The following BCORL1 variants were observed in gnomAD, a reference collection of about 807,000 sequenced individuals.
BCORL1 encodes the protein BCL-6 corepressor-like protein 1.
BCORL1 carries 7 observed loss-of-function variants against 87.6 expected under a neutral mutation model. The observed-to-expected ratio is 0.08, with a 90% CI of 0.05 to 0.15. The LOEUF is 0.15. BCORL1 is among the 10% of genes least tolerant of loss of function. The pLI is 1.00. For synonymous variants in BCORL1, 591 were observed against 634.4 expected (o/e 0.93, Z 1.03); for missense variants, 1,215 against 1,499.7 (o/e 0.81, Z 3.13).
intron 1 of BCORL1, among the ~76,000 whole-genome samples, chrX:129,983,443 C>T (rs1926299953): frequency 9.9e-6 from 1 of 101,107 alleles, no homozygotes; most frequent in Non-Finnish European, 2.0e-5. Flanking sequence ...GGGGGGTGTC[C>T]GTGATGAAGT....
At chrX:130,034,207 T>C (rs193170321) in intron 8 of BCORL1, among the ~76,000 whole-genome samples, 4 of 111,623 alleles carry the variant, frequency 3.6e-5, no homozygotes, top group Non-Finnish European at 5.7e-5. Flanking sequence ...CCTCTTCATA[T>C]CTCCCCACCG....
At chrX:129,994,378 G>A (rs73567682) in intron 1 of BCORL1, among the ~76,000 whole-genome samples, 5,592 of 111,468 alleles carry the variant, frequency 0.05, 354 homozygotes, top group African/African-American at 0.17. Flanking sequence ...ACATCAGATC[G>A]ACCCTGAAAG....
intron 11 of BCORL1, among the ~76,000 whole-genome samples, chrX:130,043,772 ATATATATATATATTTTT>A (rs1451403913): frequency 3.0e-4 from 6 of 19,967 alleles, no homozygotes; most frequent in Non-Finnish European, 4.4e-4. Flanking sequence ...ATATATATAT[ATATATATATATATTTTT>A]TTTTTTTTTT....
chrX:130,019,448 G>A (rs1264367587), intron 4 of BCORL1, among the ~76,000 whole-genome samples: 1 of 112,694 alleles, frequency 8.9e-6, no homozygotes, highest in Non-Finnish European at 1.9e-5. Flanking sequence ...TAGTTTTTAA[G>A]CAGTAGTTCC....
chrX:130,000,716 A>G (rs1927972813), intron 1 of BCORL1, among the ~76,000 whole-genome samples: 1 of 112,441 alleles, frequency 8.9e-6, no homozygotes, highest in African/African-American at 3.2e-5. Flanking sequence ...TCCAAACTCA[A>G]TGGGACAAGA....
chrX:130,010,873 C>G (rs1300861615), intron 2 of BCORL1, among the ~76,000 whole-genome samples: 1 of 107,810 alleles, frequency 9.3e-6, no homozygotes, highest in Non-Finnish European at 1.9e-5. Context: ...TGGAGCATGC[C>G]TATAATTCTG....
chrX:129,983,918 G>A (rs1226462228), intron 1 of BCORL1, among the ~76,000 whole-genome samples: 4 of 109,897 alleles, frequency 3.6e-5, no homozygotes, highest in African/African-American at 1.3e-4. Context: ...TTCGGGATCA[G>A]GGGCAATCCC....
intron 1 of BCORL1, among the ~76,000 whole-genome samples, chrX:129,998,052 C>T (rs916704147): frequency 1.3e-4 from 14 of 106,790 alleles, no homozygotes; most frequent in Non-Finnish European, 2.7e-4. Context: ...ATTGGCAGAG[C>T]ACGTGCTCTC....
At chrX:130,000,535 A>T (rs1259258754) in intron 1 of BCORL1, among the ~76,000 whole-genome samples, 2 of 112,691 alleles carry the variant, frequency 1.8e-5, no homozygotes, top group Non-Finnish European at 3.7e-5. Context: ...ACAGATACAA[A>T]AATGAACACG....
In BCORL1 at chrX:130,015,711, C is replaced by T. The variant is rs755857508; in HGVS notation, c.2939C>T (p.Thr980Met). The part of the protein sequence containing the change: ...GACGLKLAGD[T>M]KPKNQVLATY... ...TGTGGCCTGAAGCTGGCAGGAGACA[C>T]GAAGCCTAAGAACCAAGTGCTGGCC... is the stretch of plus-strand genomic sequence containing the variant. Residue 980 changes from threonine to methionine, a missense_variant, in exon 4 of 14, where the codon ACG becomes ATG. By Grantham distance (81) the Thr-to-Met change is moderately conservative (BLOSUM62 -1). Around this residue, in one of 5 missense-constraint regions of BCORL1, gnomAD observed 861 missense variants for 1,010.0 expected, o/e 0.85. Coordinates refer to ENST00000540052, the MANE Select transcript of BCORL1 (RefSeq NM_001379451.1). 2.5e-6 allele frequency: 3 copies of T among 1,212,013 alleles called. No individual in the cohort carries two copies. Among genetic ancestry groups the T allele is most frequent in the Non-Finnish European group, 3.3e-6 (3 of 895,576 alleles).
In BCORL1 at chrX:130,014,313, C is replaced by T. The variant is rs754724041; in HGVS notation, c.1541C>T (p.Ser514Leu). ...TTTTCTGTGGCCCGGCCTCTGACTT[C>T]GGATTCCAAGCTGGTATCTCTGGAG... ...YAFSVARPLT[S>L]DSKLVSLEVN... The change falls in exon 4 of 14, where the codon TCG becomes TTG. Residue 514 changes from serine to leucine, a missense_variant. Transcript: ENST00000540052. The T allele has an allele frequency of 3.9e-5, 47 of 1,209,385 alleles. No homozygotes were observed. The highest frequency in any genetic ancestry group is 4.8e-5 in the Non-Finnish European group (43 of 895,041).
chrX:130,008,897 C>T (rs1281118375), intron 2 of BCORL1, among the ~76,000 whole-genome samples: 1 of 111,916 alleles, frequency 8.9e-6, no homozygotes, highest in Non-Finnish European at 1.9e-5. Context: ...CTAAATGTGT[C>T]TGCTTGCCTG....
intron 1 of BCORL1, among the ~76,000 whole-genome samples, chrX:130,002,582 G>T (rs1928139967): frequency 9.5e-6 from 1 of 104,829 alleles, no homozygotes; most frequent in Non-Finnish European, 2.0e-5. Flanking sequence ...GAGGGGGAGA[G>T]GGAGGAGAGA....
At position 130,013,402 on chromosome X, in the gene BCORL1, G is replaced by T; in HGVS notation, c.630G>T (p.Ser210=). 1 of 1,210,143 alleles carries T rather than the reference G, an allele frequency of 8.3e-7. No individual in the cohort carries two copies. Among genetic ancestry groups the T allele is most frequent in the African/African-American group, 1.7e-5 (1 of 57,328 alleles). Residue 210 remains serine, a synonymous_variant, in exon 4 of 14, where the codon TCG becomes TCT. Coordinates refer to ENST00000540052, the MANE Select transcript of BCORL1 (RefSeq NM_001379451.1). ...CTATCTGTCCCCCTGCTCCCGGTTC[G>T]GCCTCTGTGCCCCACTCTGTTCCAG... The part of the protein sequence containing the change: ...PAPICPPAPG[S]ASVPHSVPDA...
chrX:129,981,809 G>A (rs1321906063), upstream of BCORL1: 1 of 104,953 alleles, frequency 9.5e-6, no homozygotes, highest in African/African-American at 3.5e-5. Flanking sequence ...GTATAAGGGA[G>A]GGGGCTGGGT....
intron 1 of BCORL1, among the ~76,000 whole-genome samples, chrX:129,998,176 A>G (rs1048777247): frequency 9.9e-5 from 11 of 110,754 alleles, no homozygotes; most frequent in African/African-American, 3.6e-4. Context: ...TTCTTGGGCC[A>G]TGCAGCTGTT....
intron 11 of BCORL1, among the ~76,000 whole-genome samples, chrX:130,041,410 T>A (rs1309915985): frequency 9.0e-6 from 1 of 111,336 alleles, no homozygotes; most frequent in Non-Finnish European, 1.9e-5. Flanking sequence ...CTTGGCTCAC[T>A]GCAACCTCTG....
At chrX:130,033,149 T>A (rs1449327857) in intron 8 of BCORL1, among the ~76,000 whole-genome samples, 1 of 108,014 alleles carries the variant, frequency 9.3e-6, no homozygotes, top group African/African-American at 3.4e-5. Context: ...TGCCGCAATC[T>A]TGGCATACTG....
rs369799809 is a variant in BCORL1, at chrX:130,015,867, G to A, written c.3095G>A (p.Gly1032Asp). The A allele has an allele frequency of 9.3e-5, 112 of 1,210,014 alleles. No homozygotes were observed. The highest frequency in any genetic ancestry group is 1.2e-4 in the Non-Finnish European group (107 of 895,270). ...GACGTGGTTCCGAGCAGCAGGAGGG[G>A]CTCCAGCACAGAGCGCCCACAGCTT... ...ILDVVPSSRR[G>D]SSTERPQLGS... The change falls in exon 4 of 14, where the codon GGC becomes GAC. Residue 1032 changes from glycine to aspartate, a missense_variant. Transcript: ENST00000540052.
Sources: allele counts gnomAD v4.1 joint callset (sites outside exome capture counted in the v4.1 genomes callset), GRCh38; gene constraint gnomAD v4.1.1; regional missense constraint gnomAD v4.1.1; transcripts MANE v1.5; gene names NCBI Gene and HGNC (gene_info 2026-07-23, HGNC 2026-07-21).